Variants in TTC12 observed in about 807,000 individuals in gnomAD.
TTC12 encodes the protein tetratricopeptide repeat domain 12, also known as tetratricopeptide repeat protein 12.
TTC12 carries 70 observed loss-of-function variants against 90.1 expected under a neutral mutation model. The ratio of observed to expected loss-of-function variants is 0.78; its 90% CI spans 0.64 to 0.95. The LOEUF is 0.95. Ranked by LOEUF, TTC12 falls within the 40% of genes least tolerant of loss-of-function variation. TTC12 has a pLI of 0.00. For missense variants in TTC12, 819 were observed against 846.1 expected (o/e 0.97, Z 0.40); for synonymous variants, 296 against 311.5 (o/e 0.95, Z 0.53).
chr11:113,358,136 A>G (rs186810234), intron 16 of TTC12, among the ~76,000 whole-genome samples: 24 of 152,296 alleles, frequency 1.6e-4, no homozygotes, highest in Admixed American at 1.4e-3. Context: ...ATGCCATGCT[A>G]GCACAAGGGC....
chr11:113,329,817 T>TC, intron 6 of TTC12, 103 bp from the exon 7 acceptor site: 1 of 944,650 alleles, frequency 1.1e-6, no homozygotes, highest in Non-Finnish European at 1.7e-6. Context: ...AGGTAGGGGA[T>TC]AGTTCTCGCT....
chr11:113,316,338 T>C, intron 2 of TTC12, 23 bp downstream of exon 2: 1 of 1,266,496 alleles, frequency 7.9e-7, no homozygotes, highest in Non-Finnish European at 1.1e-6. Context: ...AAATCATAAA[T>C]TAATTTCTGC....
Position 113,350,591 on chromosome 11 carries a change from G to A in TTC12, c.1247+426G>A, listed in dbSNP as rs1029383330. Among the ~76,000 whole-genome samples, 9 of 152,354 alleles carry A rather than the reference G, an allele frequency of 5.9e-5. No homozygotes were observed. The East Asian group carries it at 1.5e-3, about 26-fold the overall frequency. ...TCTGGGGTTGCCAGTGACATTATGA[G>A]TAATGACCTCCTTCTGCCCCATGGC... is the stretch of plus-strand genomic sequence containing the variant. On this transcript the variant is annotated intron_variant, in intron 14 of 21. Coordinates refer to ENST00000529221, the MANE Select transcript of TTC12 (RefSeq NM_017868.4).
intron 7 of TTC12, among the ~76,000 whole-genome samples, chr11:113,333,490 G>A (rs1316727560): frequency 2.0e-5 from 3 of 152,076 alleles, no homozygotes; most frequent in Non-Finnish European, 4.4e-5. Flanking sequence ...GAGATTTGGT[G>A]TCATTTTTAA....
chr11:113,342,776 G>T (rs1275997440), intron 12 of TTC12, among the ~76,000 whole-genome samples: 1 of 152,040 alleles, frequency 6.6e-6, no homozygotes, highest in Non-Finnish European at 1.5e-5. Context: ...GAATTAAGGG[G>T]AGTTATGCCC....
rs997174044 is a variant in TTC12, at chr11:113,351,129, C to T, written c.1248-110C>T. The T allele has an allele frequency of 7.0e-6, 7 of 1,002,836 alleles. No individual in the cohort carries two copies. In the African/African-American group the frequency reaches 9.6e-5, roughly 14 times the overall value. The allele number at this position is 1,002,836 out of a possible 1,614,324, so 62.1% of individuals were successfully genotyped here. On this transcript the variant is annotated intron_variant, in intron 14 of 21. Coordinates refer to ENST00000529221, the MANE Select transcript of TTC12 (RefSeq NM_017868.4). ...TTTGGTTCTGAATTGTCCATGCACA[C>T]TCTAAATCATATGGACCTAGAGTTT... is the stretch of plus-strand genomic sequence containing the variant.
chr11:113,343,580 G>C (rs1423691103), intron 12 of TTC12, among the ~76,000 whole-genome samples: 1 of 152,134 alleles, frequency 6.6e-6, no homozygotes, highest in African/African-American at 2.4e-5. Context: ...GTACAGGAGG[G>C]AAGAAAGCCA....
chr11:113,339,330 G>C lies in TTC12; in HGVS notation c.682G>C (p.Glu228Gln), dbSNP rs1172874673. The change falls in exon 10 of 22, where the codon GAA becomes CAA. Residue 228 changes from glutamate to glutamine, a missense_variant. Glu to Gln is a conservative substitution (Grantham distance 29). Transcript: ENST00000529221. ...VDLQEKADLQ[E>Q]KEAHELLDSG... ...TCTTCAGGAAAAAGCAGACCTTCAA[G>C]AAAAGGAAGCCCACGAACTGCTGGA... 6 of 1,610,858 alleles carry C rather than the reference G, an allele frequency of 3.7e-6. No individual in the cohort carries two copies. Among genetic ancestry groups the C allele is most frequent in the Non-Finnish European group, 5.1e-6 (6 of 1,179,202 alleles).
chr11:113,350,412 C>G (rs1186028242), intron 14 of TTC12, among the ~76,000 whole-genome samples: 1 of 152,182 alleles, frequency 6.6e-6, no homozygotes, highest in Non-Finnish European at 1.5e-5. Context: ...TAAAGCAGTG[C>G]CTCTCACAGT....
At chr11:113,352,269 T>A in intron 16 of TTC12, 62 bp downstream of exon 16, 1 of 1,607,622 alleles carries the variant, frequency 6.2e-7, no homozygotes, top group African/African-American at 1.3e-5. Context: ...AGCGTCTTCT[T>A]AGTTATCTGA....
At chr11:113,365,440 T>G in intron 21 of TTC12, 1 of 227,624 alleles carries the variant, frequency 4.4e-6, no homozygotes, top group Non-Finnish European at 9.0e-6. Context: ...TCTCCACTTT[T>G]CCAGAAACAG....
chr11:113,355,957 C>G (rs1555152307), intron 16 of TTC12, among the ~76,000 whole-genome samples: 3 of 152,096 alleles, frequency 2.0e-5, no homozygotes, highest in Non-Finnish European at 2.9e-5. Context: ...TACATCAGGC[C>G]CATTTGATCC....
downstream of TTC12, chr11:113,368,759 G>A: frequency 2.0e-6 from 1 of 508,252 alleles, no homozygotes; most frequent in Non-Finnish European, 3.5e-6. Flanking sequence ...TCAAATAAGA[G>A]CTTCTTGGCT....
chr11:113,327,164 T>G (rs946213345), intron 6 of TTC12, among the ~76,000 whole-genome samples: 2 of 152,218 alleles, frequency 1.3e-5, no homozygotes, highest in South Asian at 4.1e-4. Flanking sequence ...CTAAATTATA[T>G]TTTCACTGCA....
At chr11:113,337,212 T>A (rs1948421337) in intron 8 of TTC12, among the ~76,000 whole-genome samples, 1 of 152,218 alleles carries the variant, frequency 6.6e-6, no homozygotes, top group South Asian at 2.1e-4. Flanking sequence ...TTTCTATGTG[T>A]CAGACACTGT....
chr11:113,366,431 T>A, downstream of TTC12: 2 of 1,495,856 alleles, frequency 1.3e-6, no homozygotes, highest in Non-Finnish European at 1.8e-6. Flanking sequence ...GCATTTCAGG[T>A]TTTCACGGGT....
chr11:113,316,123 C>A, intron 1 of TTC12, 120 bp from the exon 2 acceptor site: 1 of 437,434 alleles, frequency 2.3e-6, no homozygotes, highest in Non-Finnish European at 4.0e-6. Flanking sequence ...TATTCATTGA[C>A]ATAAACAAAA....
At chr11:113,365,582 G>A (rs1033025638) in intron 21 of TTC12, 7 of 185,096 alleles carry the variant, frequency 3.8e-5, no homozygotes, top group South Asian at 3.5e-4. Context: ...CCCAGTGAGC[G>A]AGGGCAAGAG....
chr11:113,368,168 A>AC (rs1565637000), downstream of TTC12: 3 of 1,396,434 alleles, frequency 2.1e-6, no homozygotes, highest in Non-Finnish European at 2.8e-6. Flanking sequence ...AAATTACGTT[A>AC]TTATGTTTAT....
Sources: gnomAD v4.1 joint callset for allele counts (sites outside exome capture counted in the v4.1 genomes callset) on GRCh38, gnomAD v4.1.1 for gene constraint, MANE v1.5 for transcripts, NCBI Gene and HGNC (gene_info 2026-07-23, HGNC 2026-07-21) for gene names.